Variants in CALN1 observed in about 807,000 individuals in gnomAD.
CALN1 encodes calneuron 1.
CALN1 carries 17 observed loss-of-function variants against 30.6 expected under a neutral mutation model. The ratio of observed to expected loss-of-function variants is 0.56; its 90% CI spans 0.38 to 0.83. The LOEUF is 0.83. CALN1 is among the 40% of genes least tolerant of loss of function. The pLI is 0.00. For missense variants in CALN1, 291 were observed against 354.9 expected, an observed-to-expected ratio of 0.82 and a Z score of 1.45; for synonymous variants, 156 against 131.4, an observed-to-expected ratio of 1.19 and a Z score of -1.28.
chr7:72,447,391 A>G (rs1406351356), upstream of CALN1, among the ~76,000 whole-genome samples: 2 of 152,100 alleles, frequency 1.3e-5, no homozygotes, highest in Non-Finnish European at 2.9e-5. Flanking sequence ...CTCGGGCTGC[A>G]TGGTTTGAAT....
chr7:72,501,573 G>C, the CALN1 span, among the ~76,000 whole-genome samples: 622 of 150,106 alleles, frequency 4.1e-3, 18 homozygotes, highest in East Asian at 0.077. Context: ...AGAGAAGAAA[G>C]AACATTCTAA....
rs190450393 is a variant in CALN1 at position 72,111,869 on chromosome 7, G to C, written c.245-5575C>G. Among the ~76,000 whole-genome samples, 40 of 152,064 alleles carry C rather than the reference G, an allele frequency of 2.6e-4. 3 individuals are homozygous for C. The East Asian group carries it at 7.6e-3, about 29-fold the overall frequency. On this transcript the variant is annotated intron_variant, in intron 3 of 6. Transcript: ENST00000395275. ...TGGTTCAAGCAATTTTCCTGCCTCA[G>C]CCTCATGAATAGCTGGGATTACAGG...
chr7:72,462,173 T>G, the CALN1 span, among the ~76,000 whole-genome samples: 3 of 151,978 alleles, frequency 2.0e-5, no homozygotes, highest in Non-Finnish European at 4.4e-5. Context: ...TATGTATGTA[T>G]GTATGTATTT....
chr7:72,003,375 C>T (rs1174311822), intron 5 of CALN1, among the ~76,000 whole-genome samples: 1 of 152,098 alleles, frequency 6.6e-6, no homozygotes, highest in Non-Finnish European at 1.5e-5. Context: ...TGGATGAAAA[C>T]AGGTGTCCCC....
chr7:72,065,906 G>C (rs541307562), intron 4 of CALN1, among the ~76,000 whole-genome samples: 1 of 151,960 alleles, frequency 6.6e-6, no homozygotes. Flanking sequence ...AAAAAGAAAA[G>C]AAAAGAAAAA....
intron 4 of CALN1, among the ~76,000 whole-genome samples, chr7:72,044,760 C>T (rs1802362505): frequency 6.6e-6 from 1 of 151,656 alleles, no homozygotes; most frequent in Admixed American, 6.6e-5. Context: ...TACAGGGGTG[C>T]GCCACCATGC....
At chr7:72,111,091 T>C (rs1807542228) in intron 3 of CALN1, among the ~76,000 whole-genome samples, 1 of 152,218 alleles carries the variant, frequency 6.6e-6, no homozygotes, top group Non-Finnish European at 1.5e-5. Flanking sequence ...GAGCACGCTG[T>C]ATCTTTGGTC....
At chr7:72,207,219 A>G (rs1791955426) in intron 3 of CALN1, among the ~76,000 whole-genome samples, 2 of 151,900 alleles carry the variant, frequency 1.3e-5, no homozygotes, top group Middle Eastern at 3.4e-3. Context: ...GGCTCCAACC[A>G]CTCCGGCCCT....
chr7:71,945,222 A>G (rs1331911687), intron 5 of CALN1, among the ~76,000 whole-genome samples: 1 of 152,164 alleles, frequency 6.6e-6, no homozygotes, highest in Non-Finnish European at 1.5e-5. Flanking sequence ...CCAGAAGCCA[A>G]TCAGATGTGG....
chr7:72,395,105 C>T (rs1805832816), intron 2 of CALN1, among the ~76,000 whole-genome samples: 1 of 152,154 alleles, frequency 6.6e-6, no homozygotes, highest in African/African-American at 2.4e-5. Flanking sequence ...TAACCTACCT[C>T]CCCAAGACCC....
At chr7:72,422,974 C>CA (rs1807663824) in intron 1 of CALN1, among the ~76,000 whole-genome samples, 2 of 151,954 alleles carry the variant, frequency 1.3e-5, no homozygotes, top group Non-Finnish European at 2.9e-5. Flanking sequence ...GATAAAAATA[C>CA]AAAAATTAGC....
intron 2 of CALN1, among the ~76,000 whole-genome samples, chr7:72,355,565 C>T (rs1803173985): frequency 6.6e-6 from 1 of 151,986 alleles, no homozygotes; most frequent in Non-Finnish European, 1.5e-5. Context: ...CAACAGAAAG[C>T]CCAAGTCATA....
At chr7:71,951,963 G>A (rs1796715282) in intron 5 of CALN1, among the ~76,000 whole-genome samples, 2 of 151,874 alleles carry the variant, frequency 1.3e-5, no homozygotes, top group Admixed American at 1.3e-4. Flanking sequence ...CCTCCTGGGA[G>A]TCAGACCCAA....
chr7:72,275,259 C>A (rs1439179290), intron 3 of CALN1, among the ~76,000 whole-genome samples: 1 of 152,098 alleles, frequency 6.6e-6, no homozygotes, highest in Non-Finnish European at 1.5e-5. Flanking sequence ...ACCACCTGTC[C>A]TCTGAGGGTA....
At chr7:71,874,716 C>T (rs944725632) in intron 5 of CALN1, among the ~76,000 whole-genome samples, 4 of 152,138 alleles carry the variant, frequency 2.6e-5, no homozygotes, top group Non-Finnish European at 5.9e-5. Context: ...GCAGTGATTC[C>T]AGGGACTTCG....
At chr7:72,393,375 A>C (rs918845615) in intron 2 of CALN1, among the ~76,000 whole-genome samples, 3 of 152,076 alleles carry the variant, frequency 2.0e-5, no homozygotes, top group African/African-American at 7.2e-5. Flanking sequence ...GAGGCAGGAG[A>C]ATGGCGTGAA....
chr7:72,055,183 A>G (rs575702538), intron 4 of CALN1, among the ~76,000 whole-genome samples: 1 of 151,780 alleles, frequency 6.6e-6, no homozygotes, highest in African/African-American at 2.4e-5. Flanking sequence ...TAAATCAGGA[A>G]GTGGAAATCA....
chr7:72,160,861 T>C (rs1788059806), intron 3 of CALN1, among the ~76,000 whole-genome samples: 1 of 152,192 alleles, frequency 6.6e-6, no homozygotes, highest in African/African-American at 2.4e-5. Context: ...GTCCCCAAGC[T>C]AGCCCTGCAA....
intron 5 of CALN1, among the ~76,000 whole-genome samples, chr7:71,937,446 AAT>A (rs113983664): frequency 1.7e-4 from 25 of 149,400 alleles, no homozygotes; most frequent in South Asian, 2.1e-4. Context: ...ATATACATCT[AAT>A]ATATATATAT....
Sources: gnomAD v4.1 joint callset for allele counts (sites outside exome capture counted in the v4.1 genomes callset) on GRCh38, gnomAD v4.1.1 for gene constraint, MANE v1.5 for transcripts, NCBI Gene and HGNC (gene_info 2026-07-23, HGNC 2026-07-21) for gene names.